Variants in MSI2 observed in about 807,000 individuals in gnomAD.
The protein encoded by MSI2 is musashi RNA binding protein 2, also known as RNA-binding protein Musashi homolog 2.
In MSI2, 17 loss-of-function variants were observed where a neutral mutation model predicts 45.6. The observed-to-expected ratio is 0.37, with a 90% CI of 0.26 to 0.56. The LOEUF is 0.56. Ranked by LOEUF, MSI2 falls within the 20% of genes least tolerant of loss-of-function variation. MSI2 has a pLI of 0.77. For missense variants in MSI2, 293 were observed against 444.2 expected (o/e 0.66, Z 3.06); for synonymous variants, 156 against 158.2 (o/e 0.99, Z 0.11).
At chr17:57,379,142 T>C (rs986650007) in intron 5 of MSI2, among the ~76,000 whole-genome samples, 1 of 151,300 alleles carries the variant, frequency 6.6e-6, no homozygotes, top group Non-Finnish European at 1.5e-5. Context: ...AACAAAACCC[T>C]GACATCCTCC....
At chr17:57,447,603 C>T (rs1338271354) in intron 6 of MSI2, among the ~76,000 whole-genome samples, 1 of 151,730 alleles carries the variant, frequency 6.6e-6, no homozygotes, top group African/African-American at 2.4e-5. Flanking sequence ...GGGGGTGTCT[C>T]AGGTTTTATA....
chr17:57,478,851 T>C (rs779370820), intron 6 of MSI2, among the ~76,000 whole-genome samples: 7 of 152,228 alleles, frequency 4.6e-5, no homozygotes, highest in Non-Finnish European at 8.8e-5. Flanking sequence ...AAGACTTAAC[T>C]GTTTAACCTG....
intron 6 of MSI2, among the ~76,000 whole-genome samples, chr17:57,464,065 C>T (rs2085285351): frequency 6.6e-6 from 1 of 151,260 alleles, no homozygotes; most frequent in Non-Finnish European, 1.5e-5. Context: ...TCTGGACTCA[C>T]AGTGGTTCTG....
At chr17:57,629,448 A>C (rs1909140824) in intron 10 of MSI2, 1 of 152,260 alleles carries the variant, frequency 6.6e-6, no homozygotes, top group Admixed American at 6.5e-5. Flanking sequence ...AAGAAGAATA[A>C]GAAGAAGTAA....
At chr17:57,422,259 A>G (rs1747090389) in intron 6 of MSI2, among the ~76,000 whole-genome samples, 1 of 152,176 alleles carries the variant, frequency 6.6e-6, no homozygotes, top group South Asian at 2.1e-4. Flanking sequence ...CACGAATTCG[A>G]GACCAGCCTG....
intron 5 of MSI2, among the ~76,000 whole-genome samples, chr17:57,318,991 C>T (rs1326554684): frequency 6.6e-6 from 1 of 152,204 alleles, no homozygotes; most frequent in Non-Finnish European, 1.5e-5. Flanking sequence ...GGCCCCCTGC[C>T]TTTAGGTGTG....
chr17:57,285,192 G>C (rs1352649993), intron 5 of MSI2, among the ~76,000 whole-genome samples: 2 of 152,196 alleles, frequency 1.3e-5, no homozygotes, highest in East Asian at 3.8e-4. Context: ...CTGTTTTCAA[G>C]GTTAGATAGC....
chr17:57,568,676 T>C (rs1356212808), intron 7 of MSI2, among the ~76,000 whole-genome samples: 1 of 152,256 alleles, frequency 6.6e-6, no homozygotes, highest in African/African-American at 2.4e-5. Flanking sequence ...CCCGGTTTAC[T>C]GCAAATGAGT....
intron 6 of MSI2, among the ~76,000 whole-genome samples, chr17:57,445,134 T>A (rs1216960704): frequency 1.3e-5 from 2 of 152,190 alleles, no homozygotes; most frequent in African/African-American, 4.8e-5. Context: ...TAAACCTGCC[T>A]GGCTCCAGAG....
intron 6 of MSI2, among the ~76,000 whole-genome samples, chr17:57,498,692 G>C (rs935243228): frequency 6.6e-6 from 1 of 152,154 alleles, no homozygotes; most frequent in Non-Finnish European, 1.5e-5. Flanking sequence ...GGTAGAATTA[G>C]GTTGGCTTTG....
the MSI2 span, among the ~76,000 whole-genome samples, chr17:57,691,329 A>G: frequency 2.0e-5 from 3 of 152,024 alleles, no homozygotes; most frequent in Non-Finnish European, 2.9e-5. Flanking sequence ...GTCTTTTTCA[A>G]TGTTGTTTTG....
chr17:57,500,332 G>T (rs954846751), intron 6 of MSI2, among the ~76,000 whole-genome samples: 7 of 152,054 alleles, frequency 4.6e-5, no homozygotes, highest in Non-Finnish European at 1.0e-4. Flanking sequence ...ACCTTTGGGG[G>T]CAGGTGGGAC....
At chr17:57,406,234 G>A (rs1011352662) in intron 6 of MSI2, among the ~76,000 whole-genome samples, 20 of 152,080 alleles carry the variant, frequency 1.3e-4, no homozygotes, top group Non-Finnish European at 2.2e-4. Flanking sequence ...AGATATGCCC[G>A]TGTAGACCCT....
At chr17:57,359,700 C>A (rs1005818643) in intron 5 of MSI2, among the ~76,000 whole-genome samples, 1 of 152,234 alleles carries the variant, frequency 6.6e-6, no homozygotes, top group East Asian at 1.9e-4. Flanking sequence ...GCTTCCCTTT[C>A]GGAAATCCCA....
chr17:57,617,398 A>C (rs566328929), intron 9 of MSI2, among the ~76,000 whole-genome samples: 2 of 152,254 alleles, frequency 1.3e-5, no homozygotes, highest in South Asian at 4.1e-4. Context: ...GTGAGAATGT[A>C]ACACAAAGCT....
chr17:57,564,044 C>A (rs2087665850), intron 7 of MSI2, among the ~76,000 whole-genome samples: 1 of 152,166 alleles, frequency 6.6e-6, no homozygotes, highest in Admixed American at 6.5e-5. Context: ...ATGGCCAGCC[C>A]CCTGCACGTG....
chr17:57,329,721 A>G (rs138970221), intron 5 of MSI2, among the ~76,000 whole-genome samples: 2 of 152,304 alleles, frequency 1.3e-5, no homozygotes, highest in African/African-American at 2.4e-5. Flanking sequence ...GCTGATGTGC[A>G]CGATGAATTC....
chr17:57,312,932 A>C (rs1245561006), intron 5 of MSI2, among the ~76,000 whole-genome samples: 1 of 152,074 alleles, frequency 6.6e-6, no homozygotes, highest in East Asian at 1.9e-4. Context: ...CTGCAGCCTC[A>C]GCCTCCTGGG....
At chr17:57,664,579 G>A (rs1489176616) in intron 11 of MSI2, among the ~76,000 whole-genome samples, 2 of 152,126 alleles carry the variant, frequency 1.3e-5, no homozygotes, top group Non-Finnish European at 2.9e-5. Context: ...AAGCCAAGAG[G>A]TTCCAGGTGA....
Sources: allele counts gnomAD v4.1 joint callset (sites outside exome capture counted in the v4.1 genomes callset), GRCh38; gene constraint gnomAD v4.1.1; transcripts MANE v1.5; gene names NCBI Gene and HGNC (gene_info 2026-07-23, HGNC 2026-07-21).